The following COL5A1 variants were observed in gnomAD, a reference collection of about 807,000 sequenced individuals.
The protein encoded by COL5A1 is collagen alpha-1(V) chain.
COL5A1 carries 16 observed loss-of-function variants against 263.7 expected under a neutral mutation model. The ratio of observed to expected loss-of-function variants is 0.06; its 90% CI spans 0.04 to 0.09. The LOEUF is 0.09. Ranked by LOEUF, COL5A1 falls within the 10% of genes least tolerant of loss-of-function variation. The pLI, the probability that COL5A1 is intolerant of heterozygous loss-of-function variation, is 1.00. For synonymous variants in COL5A1, 1,012 were observed against 1,004.5 expected (o/e 1.01, Z -0.14); for missense variants, 2,036 against 2,540.5 (o/e 0.80, Z 4.27).
chr9:134,661,162 T>C (rs537469217), intron 1 of COL5A1, among the ~76,000 whole-genome samples: 2 of 150,218 alleles, frequency 1.3e-5, no homozygotes, highest in South Asian at 4.3e-4. Context: ...TAGGGTGGCC[T>C]GGGGAGTTTG....
intron 11 of COL5A1, among the ~76,000 whole-genome samples, chr9:134,748,412 T>C (rs7031411): frequency 0.1 from 15,631 of 152,114 alleles, 1,240 homozygotes; most frequent in East Asian, 0.25. Context: ...CATCCACACA[T>C]ACATGCACAC....
intron 42 of COL5A1, 115 bp from the exon 43 acceptor site, chr9:134,809,068 C>T (rs1043914109): frequency 7.6e-6 from 7 of 922,930 alleles, no homozygotes; most frequent in Non-Finnish European, 1.2e-5. Flanking sequence ...TGGGGACGGT[C>T]ACCCTCACCA....
At chr9:134,721,870 AC>A (rs1834475657) in intron 4 of COL5A1, among the ~76,000 whole-genome samples, 1 of 152,182 alleles carries the variant, frequency 6.6e-6, no homozygotes, top group Non-Finnish European at 1.5e-5. Flanking sequence ...CTTGCTGGGC[AC>A]CCAGGTGTTC....
chr9:134,707,468 T>C, intron 4 of COL5A1, among the ~76,000 whole-genome samples: 1 of 152,140 alleles, frequency 6.6e-6, no homozygotes, highest in East Asian at 1.9e-4. Flanking sequence ...GGAATTTCAC[T>C]CTCCCCGGGG....
In COL5A1 at chr9:134,818,516, G is replaced by A. The variant is rs1838855502; in HGVS notation, c.4231-140G>A. The A allele has an allele frequency of 3.0e-6, 2 of 660,454 alleles. No individual in the cohort carries two copies. Among genetic ancestry groups the A allele is most frequent in the South Asian group, 3.5e-5 (2 of 57,528 alleles). 40.9% of individuals were successfully genotyped at this position (660,454 alleles called of 1,614,324 possible). A position where few individuals can be genotyped will look rare whatever the true frequency, so the allele number is the denominator to read the frequency against. On this transcript the variant is annotated intron_variant, in intron 54 of 65. Coordinates refer to ENST00000371817, the MANE Select transcript of COL5A1 (RefSeq NM_000093.5). This position sits in a 1 kb window ranked among gnomAD's most constrained non-coding sequence, Gnocchi z 6.0. ...GGGCAGCTTCCACAGGCAATGAAAT[G>A]TGGAGAATTAGGGCAACCCCGGATA...
In COL5A1 at chr9:134,842,554, G is replaced by A. The variant is rs889050947; in HGVS notation, c.*251G>A. On this transcript the variant is annotated 3_prime_UTR_variant, in exon 66 of 66. Transcript: ENST00000371817. The surrounding 1 kb of genome is among the most constrained non-coding windows in gnomAD (Gnocchi z 5.8). Reference sequence around the variant, plus strand: ...ACCCCAGCGCCTGGGCCCGCCCCACGCTCTGTCCACACCCACGCGCCCCGG... The same window carrying A: ...ACCCCAGCGCCTGGGCCCGCCCCACACTCTGTCCACACCCACGCGCCCCGG... 6.7e-6 allele frequency: 4 copies of A among 593,752 alleles called. No homozygotes were observed. The highest frequency in any genetic ancestry group is 2.9e-5 in the Admixed American group (1 of 34,540). 36.8% of individuals were successfully genotyped at this position (593,752 alleles called of 1,614,324 possible). A position where few individuals can be genotyped will look rare whatever the true frequency, so the allele number is the denominator to read the frequency against.
chr9:134,840,489 G>A (rs1171772601), intron 65 of COL5A1, among the ~76,000 whole-genome samples: 4 of 152,174 alleles, frequency 2.6e-5, no homozygotes, highest in South Asian at 2.1e-4. Flanking sequence ...TCCATTGCTT[G>A]TAATCAACTA....
At chr9:134,812,780 GTGTGTGTC>G in intron 48 of COL5A1, 68 bp downstream of exon 48, 5 of 1,062,698 alleles carry the variant, frequency 4.7e-6, no homozygotes, top group Non-Finnish European at 7.1e-6. Flanking sequence ...GTGTCTGTGT[GTGTGTGTC>G]TGTGTGTATG....
In COL5A1 at chr9:134,680,546, C is replaced by A. The variant is rs1456664884; in HGVS notation, c.110-10366C>A. 6.6e-6 allele frequency among the ~76,000 whole-genome samples: 1 copy of A among 152,230 alleles called. No homozygotes were observed. The highest frequency in any genetic ancestry group is 1.5e-5 in the Non-Finnish European group (1 of 68,046). On this transcript the variant is annotated intron_variant, in intron 1 of 65. Transcript: ENST00000371817. This position sits in a 1 kb window ranked among gnomAD's most constrained non-coding sequence, Gnocchi z 5.9. ...AGCTGGCATCCTGACTAGCCCTGGT[C>A]AGTTCCAAACTGCTGCTCTCTGCTG...
intron 6 of COL5A1, among the ~76,000 whole-genome samples, 156 bp from the exon 7 acceptor site, chr9:134,730,079 CG>C (rs1834821937): frequency 6.6e-6 from 1 of 152,146 alleles, no homozygotes; most frequent in South Asian, 2.1e-4. Flanking sequence ...TGGATGGGGG[CG>C]GCCCCTGCAC....
intron 4 of COL5A1, among the ~76,000 whole-genome samples, chr9:134,726,544 A>G (rs1195126894): frequency 6.6e-6 from 1 of 151,912 alleles, no homozygotes; most frequent in Non-Finnish European, 1.5e-5. Flanking sequence ...GGATGGATGC[A>G]TGGATGGATA....
At chr9:134,735,223 A>G (rs913622358) in intron 9 of COL5A1, among the ~76,000 whole-genome samples, 6 of 151,958 alleles carry the variant, frequency 3.9e-5, no homozygotes, top group African/African-American at 1.5e-4. Context: ...AAAAAAAAAA[A>G]AATTGTGTGC....
intron 4 of COL5A1, among the ~76,000 whole-genome samples, chr9:134,703,220 C>T (rs3109671): frequency 0.56 from 85,621 of 152,000 alleles, 24,498 homozygotes; most frequent in Admixed American, 0.67. Flanking sequence ...CCTGCTGGCA[C>T]AGCCAGATTT....
rs182232720 is a variant in COL5A1 at position 134,740,732 on chromosome 9, G to A, written c.1494+1924G>A. ...CGGTCCCTGCCTTTGGGCTGATCCT[G>A]GCTTGGGAGTCACTGGTGGGTGGCC... On this transcript the variant is annotated intron_variant, in intron 11 of 65. Coordinates refer to ENST00000371817, the MANE Select transcript of COL5A1 (RefSeq NM_000093.5). Among the ~76,000 whole-genome samples the A allele has an allele frequency of 3.3e-3, 497 of 152,284 alleles. 2 individuals carry two copies. The highest frequency in any genetic ancestry group is 0.011 in the African/African-American group (471 of 41,552).
intron 1 of COL5A1, among the ~76,000 whole-genome samples, chr9:134,688,521 C>T (rs544085193): frequency 2.0e-4 from 30 of 152,310 alleles, no homozygotes; most frequent in African/African-American, 7.0e-4. Context: ...AGGCAAAAGC[C>T]CACCAAAGCC....
rs199630108 is a variant in COL5A1, at chr9:134,784,997, C to T, written c.2493C>T (p.Ile831=). 7.3e-5 allele frequency: 117 copies of T among 1,613,062 alleles called. No homozygotes were observed. In the East Asian group the frequency reaches 1.4e-3, roughly 19 times the overall value. ...TCTTTTCTGGCTTGCAGGGGGAGAT[C>T]GGCCCACCCGGTCCCAGGGGAGAAG... ...DMGIKGDRGE[I]GPPGPRGEDG... The change falls in exon 30 of 66, where the codon ATC becomes ATT. Residue 831 remains isoleucine (I), a synonymous_variant. Coordinates refer to ENST00000371817, the MANE Select transcript of COL5A1 (RefSeq NM_000093.5).
intron 26 of COL5A1, among the ~76,000 whole-genome samples, chr9:134,774,579 C>T (rs1008214957): frequency 2.0e-5 from 3 of 152,222 alleles, no homozygotes; most frequent in Non-Finnish European, 4.4e-5. Context: ...TCTCACTGTT[C>T]CCCCAGCCTA....
rs1003607446 is a variant in COL5A1 at position 134,686,578 on chromosome 9, T to A, written c.110-4334T>A. Among the ~76,000 whole-genome samples the A allele has an allele frequency of 6.6e-6, 1 of 152,120 alleles. No individual in the cohort carries two copies. Among genetic ancestry groups the A allele is most frequent in the Admixed American group, 6.5e-5 (1 of 15,268 alleles). On this transcript the variant is annotated intron_variant, in intron 1 of 65. Transcript: ENST00000371817. This position sits in a 1 kb window ranked among gnomAD's most constrained non-coding sequence, Gnocchi z 4.6. ...TCAAATTCTTTTCAGTCACCTCCCT[T>A]CTTCCTTAAAACTGACCTTGCTGGC...
intron 16 of COL5A1, among the ~76,000 whole-genome samples, 180 bp from the exon 17 acceptor site, chr9:134,756,585 C>G (rs1484599363): frequency 1.3e-5 from 2 of 152,218 alleles, no homozygotes; most frequent in Non-Finnish European, 2.9e-5. Flanking sequence ...AGGCACAGAA[C>G]AGCCCCGCCC....
Sources: gnomAD v4.1 joint callset for allele counts (sites outside exome capture counted in the v4.1 genomes callset) on GRCh38, gnomAD v4.1.1 for gene constraint, Gnocchi (gnomAD v3.1) non-coding constraint, MANE v1.5 for transcripts, NCBI Gene and HGNC (gene_info 2026-07-23, HGNC 2026-07-21) for gene names.